Variants in KCTD16 observed in about 807,000 individuals in gnomAD.
The protein encoded by KCTD16 is BTB/POZ domain-containing protein KCTD16.
Under a neutral mutation model 33.2 loss-of-function variants are expected in KCTD16, and 13 were observed. That is an observed-to-expected ratio of 0.39 (90% CI 0.25 to 0.62). The LOEUF (loss-of-function observed/expected upper bound fraction) is 0.62, where lower values mean the gene tolerates loss of function less well. KCTD16 is among the 20% of genes least tolerant of loss of function. The pLI, the probability that KCTD16 is intolerant of heterozygous loss-of-function variation, is 0.50. For missense variants in KCTD16, 441 were observed against 525.1 expected (o/e 0.84, Z 1.57); for synonymous variants, 197 against 195.3 (o/e 1.01, Z -0.07).
chr5:144,350,875 AT>A (rs11419936), intron 3 of KCTD16, among the ~76,000 whole-genome samples: 31 of 147,048 alleles, frequency 2.1e-4, no homozygotes, highest in Middle Eastern at 3.5e-3. Flanking sequence ...AGACTCTCAG[AT>A]TTTTTTTTTT....
At chr5:144,464,998 AT>A (rs1272180562) in intron 3 of KCTD16, among the ~76,000 whole-genome samples, 4 of 152,192 alleles carry the variant, frequency 2.6e-5, no homozygotes, top group African/African-American at 9.7e-5. Flanking sequence ...CCTTTCTGGC[AT>A]CTGGTAACAT....
chr5:144,221,075 G>A (rs938580432), intron 3 of KCTD16, among the ~76,000 whole-genome samples: 1 of 152,212 alleles, frequency 6.6e-6, no homozygotes, highest in African/African-American at 2.4e-5. Flanking sequence ...AGGTACCTCC[G>A]TTGTATGACA....
At chr5:144,392,337 G>C (rs1037885649) in intron 3 of KCTD16, among the ~76,000 whole-genome samples, 11 of 152,180 alleles carry the variant, frequency 7.2e-5, no homozygotes, top group African/African-American at 2.7e-4. Context: ...TGAGTAGAAG[G>C]ATCTGAGGGC....
intron 3 of KCTD16, among the ~76,000 whole-genome samples, chr5:144,416,269 G>A (rs535023936): frequency 6.6e-6 from 1 of 152,292 alleles, no homozygotes; most frequent in South Asian, 2.1e-4. Flanking sequence ...GTTTACAAGA[G>A]AAAAATAGGT....
chr5:144,328,361 G>C (rs1019377675), intron 3 of KCTD16, among the ~76,000 whole-genome samples: 1 of 152,046 alleles, frequency 6.6e-6, no homozygotes, highest in African/African-American at 2.4e-5. Flanking sequence ...ATCTTATTTA[G>C]AGGCCGAGGA....
intron 3 of KCTD16, among the ~76,000 whole-genome samples, chr5:144,271,796 G>A (rs1206364441): frequency 6.9e-6 from 1 of 145,144 alleles, no homozygotes; most frequent in East Asian, 2.0e-4. Flanking sequence ...CACAGAGTTA[G>A]AATTAATAAA....
intron 3 of KCTD16, among the ~76,000 whole-genome samples, chr5:144,420,896 G>C (rs1034028989): frequency 2.0e-5 from 3 of 152,104 alleles, no homozygotes; most frequent in African/African-American, 7.2e-5. Flanking sequence ...ATTGCCCTCC[G>C]AATGTGAATT....
chr5:144,327,183 A>G (rs1250945658), intron 3 of KCTD16, among the ~76,000 whole-genome samples: 1 of 152,198 alleles, frequency 6.6e-6, no homozygotes. Context: ...TTTTAAGGCT[A>G]CATAATATTG....
At chr5:144,446,387 C>T (rs1008625442) in intron 3 of KCTD16, among the ~76,000 whole-genome samples, 6 of 151,960 alleles carry the variant, frequency 3.9e-5, no homozygotes, top group African/African-American at 1.5e-4. Context: ...CTTCTTTACA[C>T]CTTATACAAA....
Position 144,480,718 on chromosome 5 carries a change from T to G in KCTD16, c.*6604T>G, listed in dbSNP as rs1469878863. The G allele has an allele frequency of 6.6e-6, 1 of 151,840 alleles. No homozygotes were observed. The highest frequency in any genetic ancestry group is 1.5e-5 in the Non-Finnish European group (1 of 67,896). The allele number at this position is 151,840 out of a possible 1,614,324, so 9.4% of individuals were successfully genotyped here. A position where few individuals can be genotyped will look rare whatever the true frequency, so the allele number is the denominator to read the frequency against. On this transcript the variant is annotated 3_prime_UTR_variant, in exon 4 of 4. Transcript: ENST00000512467. ...AGGGGTGCTACTGACAATTAATGGGTATAGGCCAGAGATGCTGCTAAAGAT... is the reference window on the plus strand; with the variant it reads ...AGGGGTGCTACTGACAATTAATGGGGATAGGCCAGAGATGCTGCTAAAGAT...
At chr5:144,300,004 T>TAGAAATC (rs1346768091) in intron 3 of KCTD16, among the ~76,000 whole-genome samples, 1 of 152,176 alleles carries the variant, frequency 6.6e-6, no homozygotes, top group African/African-American at 2.4e-5. Context: ...CTGTCTATCT[T>TAGAAATC]AGAAATCGAT....
At chr5:144,343,079 G>T (rs1181978224) in intron 3 of KCTD16, among the ~76,000 whole-genome samples, 3 of 152,130 alleles carry the variant, frequency 2.0e-5, no homozygotes, top group Admixed American at 2.0e-4. Context: ...GTATCAGGAT[G>T]ATGTTGGCCT....
rs547933163 is a variant in KCTD16, at chr5:144,381,664, C to T, written c.833-91996C>T. Among the ~76,000 whole-genome samples the T allele has an allele frequency of 2.8e-4, 43 of 152,262 alleles. No homozygotes were observed. The South Asian group carries it at 8.5e-3, about 30-fold the overall frequency. The stretch of plus-strand genomic sequence containing the variant: ...CGTGTGAACTCAGAGCAGGAGCTCA[C>T]TTATCACCAATGGGATGGCCCAAGC... On this transcript the variant is annotated intron_variant, in intron 3 of 3. Coordinates refer to ENST00000512467, the MANE Select transcript of KCTD16 (RefSeq NM_020768.4).
intron 3 of KCTD16, among the ~76,000 whole-genome samples, chr5:144,238,829 G>A (rs1754324386): frequency 6.6e-6 from 1 of 152,134 alleles, no homozygotes; most frequent in Non-Finnish European, 1.5e-5. Flanking sequence ...ATTCACAAAT[G>A]CTTATTGAGC....
chr5:144,231,985 AGTGTC>A (rs1457621286), intron 3 of KCTD16, among the ~76,000 whole-genome samples: 1 of 152,208 alleles, frequency 6.6e-6, no homozygotes, highest in Non-Finnish European at 1.5e-5. Context: ...TATTTAAAGT[AGTGTC>A]CAGGATTACT....
chr5:144,342,808 A>T (rs997617229), intron 3 of KCTD16, among the ~76,000 whole-genome samples: 1 of 152,242 alleles, frequency 6.6e-6, no homozygotes, highest in Non-Finnish European at 1.5e-5. Context: ...AATTTTGTCG[A>T]AGGTCTTTTC....
At position 144,195,823 on chromosome 5, in the gene KCTD16, G is replaced by A. The variant is rs1833502; in HGVS notation, c.-326-10566G>A. Among the ~76,000 whole-genome samples the A allele has an allele frequency of 8.2e-3, 1,243 of 152,158 alleles. 7 individuals carry two copies. The highest frequency in any genetic ancestry group is 0.012 in the Non-Finnish European group (812 of 67,998). ...TTAGTTCATCAATAATTTATTAATG[G>A]GCACTTTGTTCTAGGCATGATGTTT... On this transcript the variant is annotated intron_variant, in intron 2 of 3. Coordinates refer to ENST00000512467, the MANE Select transcript of KCTD16 (RefSeq NM_020768.4).
At chr5:144,362,661 T>C (rs1751740088) in intron 3 of KCTD16, among the ~76,000 whole-genome samples, 1 of 152,158 alleles carries the variant, frequency 6.6e-6, no homozygotes, top group South Asian at 2.1e-4. Flanking sequence ...AAATGATGTG[T>C]GAAAATCACC....
chr5:144,430,828 C>T (rs1753442450), intron 3 of KCTD16, among the ~76,000 whole-genome samples: 1 of 152,172 alleles, frequency 6.6e-6, no homozygotes, highest in African/African-American at 2.4e-5. Context: ...TCAATTTTCA[C>T]TGGCAACATC....
Sources: gnomAD v4.1 joint callset for allele counts (sites outside exome capture counted in the v4.1 genomes callset) on GRCh38, gnomAD v4.1.1 for gene constraint, MANE v1.5 for transcripts, NCBI Gene and HGNC (gene_info 2026-07-23, HGNC 2026-07-21) for gene names.